Variants in SIK3 observed in about 807,000 individuals in gnomAD.
SIK3 encodes the protein serine/threonine-protein kinase SIK3.
A neutral mutation model predicts 144.2 loss-of-function variants in SIK3; 28 were observed. That is an observed-to-expected ratio of 0.19 (90% CI 0.14 to 0.27). The LOEUF (loss-of-function observed/expected upper bound fraction) is 0.27. Among genes scored for constraint, SIK3 ranks in the 10% least tolerant of loss-of-function variants. The pLI is 1.00. For missense variants in SIK3, 1,319 were observed against 1,776.0 expected, an observed-to-expected ratio of 0.74 and a Z score of 4.62; for synonymous variants, 686 against 676.3, an observed-to-expected ratio of 1.01 and a Z score of -0.22.
At chr11:117,072,508 C>G (rs1954325401) in intron 1 of SIK3, among the ~76,000 whole-genome samples, 2 of 152,250 alleles carry the variant, frequency 1.3e-5, no homozygotes, top group South Asian at 4.1e-4. Context: ...ACTAAGATAG[C>G]TATTCATCTT....
At chr11:116,859,720 C>T in intron 19 of SIK3, 116 bp from the exon 20 acceptor site, 1 of 814,816 alleles carries the variant, frequency 1.2e-6, no homozygotes, top group South Asian at 1.8e-5. Context: ...GCTTCTCAAA[C>T]TGCACTGAGC....
At chr11:117,020,753 CT>C (rs1951734347) in intron 1 of SIK3, among the ~76,000 whole-genome samples, 1 of 152,202 alleles carries the variant, frequency 6.6e-6, no homozygotes, top group East Asian at 1.9e-4. Context: ...CTCTTCCAGG[CT>C]TTGCCCTGGG....
chr11:116,873,155 G>C (rs1944052606), intron 13 of SIK3, among the ~76,000 whole-genome samples: 1 of 152,242 alleles, frequency 6.6e-6, no homozygotes, highest in South Asian at 2.1e-4. Flanking sequence ...GGTTGCCTGG[G>C]AGAAGGCTCT....
At chr11:116,904,160 T>TA (rs1358228340) in intron 4 of SIK3, among the ~76,000 whole-genome samples, 2 of 152,150 alleles carry the variant, frequency 1.3e-5, no homozygotes, top group African/African-American at 4.8e-5. Flanking sequence ...GCATAAAACA[T>TA]AGTTCTAGGG....
intron 1 of SIK3, among the ~76,000 whole-genome samples, chr11:117,020,136 G>A (rs967277339): frequency 2.6e-5 from 4 of 151,024 alleles, no homozygotes; most frequent in African/African-American, 7.3e-5. Context: ...TCATTTGCTC[G>A]AAAAAGTAAG....
intron 4 of SIK3, 149 bp from the exon 5 acceptor site, chr11:116,897,466 TAAAAC>T: frequency 4.4e-6 from 3 of 682,772 alleles, no homozygotes; most frequent in South Asian, 2.0e-5. Context: ...GCCAGACACT[TAAAAC>T]AATAATAGTG....
At chr11:117,068,537 C>A (rs1954118658) in intron 1 of SIK3, among the ~76,000 whole-genome samples, 1 of 152,164 alleles carries the variant, frequency 6.6e-6, no homozygotes, top group Non-Finnish European at 1.5e-5. Flanking sequence ...TCACTTGAGC[C>A]CAGGAGTTTG....
At chr11:116,851,915 TTTTTCAAAAACCTATATTGTC>T (rs1942483983) in intron 21 of SIK3, among the ~76,000 whole-genome samples, 1 of 152,238 alleles carries the variant, frequency 6.6e-6, no homozygotes, top group South Asian at 2.1e-4. Context: ...CGCTTCTTAC[TTTTTCAAAAACCTATATTGTC>T]TTCTTTGATA....
chr11:116,849,005 G>T lies in SIK3; in HGVS notation c.3819+115C>A. On this transcript the variant is annotated intron_variant, in intron 22 of 24. Coordinates refer to ENST00000445177, the MANE Select transcript of SIK3 (RefSeq NM_001366686.3). The surrounding 1 kb of genome is among the most constrained non-coding windows in gnomAD (Gnocchi z 4.2). ...AAATGCTCCCCACCGTTTCCAGAAA[G>T]GCTGAATGCTGACTGAGGAGAGCGG... is the stretch of plus-strand genomic sequence containing the variant. The T allele has an allele frequency of 8.4e-7, 1 of 1,195,890 alleles. No homozygotes were observed. The allele number at this position is 1,195,890 out of a possible 1,614,324, so 74.1% of individuals were successfully genotyped here.
At chr11:116,866,385 C>A (rs1297880932) in intron 15 of SIK3, among the ~76,000 whole-genome samples, 2 of 148,636 alleles carry the variant, frequency 1.3e-5, no homozygotes, top group African/African-American at 5.0e-5. Flanking sequence ...TATGAGAAAT[C>A]ACAGGAAACG....
rs1467841490 is a variant in SIK3, at chr11:116,869,341, G to C, written c.1808+990C>G. On this transcript the variant is annotated intron_variant, in intron 14 of 24. Transcript: ENST00000445177. ...CACAGAGCTACTGGGGATAGGATGA[G>C]AGTCCTAGCCAGCAACTGGCAGGTT... 2.6e-5 allele frequency: 4 copies of C among 152,198 alleles called. No individual in the cohort carries two copies. The East Asian group carries it at 7.7e-4, about 29-fold the overall frequency. The allele number at this position is 152,198 out of a possible 1,614,324, so 9.4% of individuals were successfully genotyped here.
rs1491171268 is a variant in SIK3, at chr11:116,844,629, A to ATAATAT, written c.*1013_*1014insATATTA. On this transcript the variant is annotated 3_prime_UTR_variant, in exon 25 of 25. Coordinates refer to ENST00000445177, the MANE Select transcript of SIK3 (RefSeq NM_001366686.3). ...TATATTATATATATAATATATATAT[A>ATAATAT]ATATATTATATTATATATTATATAT... is the stretch of plus-strand genomic sequence containing the variant. 9.4e-5 allele frequency: 4 copies of ATAATAT among 42,458 alleles called. No individual in the cohort carries two copies. The highest frequency in any genetic ancestry group is 1.7e-4 in the Non-Finnish European group (4 of 23,728). 2.6% of individuals were successfully genotyped at this position (42,458 alleles called of 1,614,324 possible).
chr11:117,013,907 G>GTGTGTGTGT (rs1485971413), intron 1 of SIK3, among the ~76,000 whole-genome samples: 1 of 44,904 alleles, frequency 2.2e-5, no homozygotes, highest in African/African-American at 6.9e-5. Context: ...TGAGGGGGGG[G>GTGTGTGTGT]GGGGGAGGGT....
At chr11:117,083,411 T>C (rs1332439646) in intron 1 of SIK3, among the ~76,000 whole-genome samples, 1 of 152,146 alleles carries the variant, frequency 6.6e-6, no homozygotes, top group African/African-American at 2.4e-5. Context: ...TGTAAGATAT[T>C]TAGGTATAAT....
chr11:116,962,885 A>G (rs1448085352), intron 1 of SIK3, among the ~76,000 whole-genome samples: 7 of 152,178 alleles, frequency 4.6e-5, no homozygotes, highest in Admixed American at 2.0e-4. Flanking sequence ...TAATTTCACC[A>G]CTTTTTACTT....
intron 1 of SIK3, among the ~76,000 whole-genome samples, chr11:117,033,246 G>A (rs1231811132): frequency 6.6e-6 from 1 of 152,150 alleles, no homozygotes; most frequent in Non-Finnish European, 1.5e-5. Context: ...TATCAGCACA[G>A]CGTGACTGCC....
Position 116,849,420 on chromosome 11 carries a change from G to A in SIK3, c.3656-137C>T, listed in dbSNP as rs553999677. 1.4e-4 allele frequency: 153 copies of A among 1,074,316 alleles called. No individual in the cohort carries two copies. The highest frequency in any genetic ancestry group is 7.1e-4 in the South Asian group (46 of 65,182). 66.5% of individuals were successfully genotyped at this position (1,074,316 alleles called of 1,614,324 possible). A position where few individuals can be genotyped will look rare whatever the true frequency, so the allele number is the denominator to read the frequency against. On this transcript the variant is annotated intron_variant, in intron 21 of 24. Transcript: ENST00000445177. This position sits in a 1 kb window ranked among gnomAD's most constrained non-coding sequence, Gnocchi z 4.2. ...GTACACCAACCGCTGATCCTCAGCC[G>A]GCGTCATGGCTTAGAGGAGCCTGGA...
At chr11:116,857,005 G>A (rs1942979827) in intron 21 of SIK3, 1 of 152,208 alleles carries the variant, frequency 6.6e-6, no homozygotes, top group African/African-American at 2.4e-5. Context: ...TGTCTAGGAT[G>A]AATGCCGTGA....
chr11:116,925,356 G>A (rs1240707074), intron 4 of SIK3, among the ~76,000 whole-genome samples: 1 of 152,218 alleles, frequency 6.6e-6, no homozygotes, highest in Non-Finnish European at 1.5e-5. Context: ...CAGGAGGGTC[G>A]GAATTAGGAG....
Sources: allele counts gnomAD v4.1 joint callset (sites outside exome capture counted in the v4.1 genomes callset), GRCh38; gene constraint gnomAD v4.1.1; non-coding constraint Gnocchi (gnomAD v3.1); transcripts MANE v1.5; gene names NCBI Gene and HGNC (gene_info 2026-07-23, HGNC 2026-07-21).